The following PLEKHD1 variants were observed in gnomAD, a reference collection of about 807,000 sequenced individuals.
The protein encoded by PLEKHD1 is pleckstrin homology and coiled-coil domain containing D1, also known as pleckstrin homology domain-containing family D member 1.
A neutral mutation model predicts 69.2 loss-of-function variants in PLEKHD1; 51 were observed. The observed-to-expected ratio is 0.74, with a 90% confidence interval of 0.59 to 0.93. The LOEUF (loss-of-function observed/expected upper bound fraction) is 0.93. Among genes scored for constraint, PLEKHD1 ranks in the 40% least tolerant of loss-of-function variants. The pLI is 0.00. For missense variants in PLEKHD1, 584 were observed against 641.0 expected (o/e 0.91, Z 0.96); for synonymous variants, 236 against 244.7 (o/e 0.96, Z 0.33).
Position 69,524,854 on chromosome 14 carries a change from G to A in PLEKHD1, c.744+532G>A, listed in dbSNP as rs546422660. On this transcript the variant is annotated intron_variant, in intron 8 of 12. Coordinates refer to ENST00000322564, the MANE Select transcript of PLEKHD1 (RefSeq NM_001161498.2). ...TGGCCCTGGTCTCCCCTTCCCTCTCGCCTCACTCTTCCCTTCACTGCTCCT... is the reference window on the plus strand; with the variant it reads ...TGGCCCTGGTCTCCCCTTCCCTCTCACCTCACTCTTCCCTTCACTGCTCCT... Among the ~76,000 whole-genome samples, 96 of 152,132 alleles carry A rather than the reference G, an allele frequency of 6.3e-4. No homozygotes were observed. In the South Asian group the frequency reaches 0.019, roughly 30 times the overall value.
the PLEKHD1 span, among the ~76,000 whole-genome samples, chr14:69,472,635 A>G: frequency 2.6e-5 from 4 of 152,232 alleles, no homozygotes; most frequent in African/African-American, 9.7e-5. Flanking sequence ...AGACACACAA[A>G]TACTTACCAT....
chr14:69,486,588 C>T (rs1208694814), intron 1 of PLEKHD1, among the ~76,000 whole-genome samples: 2 of 152,192 alleles, frequency 1.3e-5, no homozygotes, highest in Non-Finnish European at 2.9e-5. Flanking sequence ...CCCCCACCAC[C>T]CATCTTTCTT....
At chr14:69,472,099 C>T in the PLEKHD1 span, among the ~76,000 whole-genome samples, 4 of 152,058 alleles carry the variant, frequency 2.6e-5, no homozygotes, top group Non-Finnish European at 1.5e-5. Context: ...CACCACACAC[C>T]GTCACAACAA....
rs755238874 is a variant in PLEKHD1, at chr14:69,485,159, C to T, written c.149+45C>T. On this transcript the variant is annotated intron_variant, in intron 1 of 12. Transcript: ENST00000322564. ...CCAAGGAGACCGCCGGGGAGAGAGC[C>T]TGGGCGTCGTTACCCCTCCCACCCC... 3.9e-6 allele frequency: 6 copies of T among 1,531,926 alleles called. No homozygotes were observed. The African/African-American group carries it at 6.9e-5, about 18-fold the overall frequency. The allele number at this position is 1,531,926 out of a possible 1,614,324, so 94.9% of individuals were successfully genotyped here. A position where few individuals can be genotyped will look rare whatever the true frequency, so the allele number is the denominator to read the frequency against.
rs1364303420 is a variant in PLEKHD1, at chr14:69,526,030, G to GC, written c.836dup (p.Pro280SerfsTer7). 6.4e-7 allele frequency: 1 copy of GC among 1,551,560 alleles called. No homozygotes were observed. The highest frequency in any genetic ancestry group is 8.7e-7 in the Non-Finnish European group (1 of 1,146,992). ...AGACACTGGCCAATCAGAGTGAGCA[G>GC]CCCCCTCCCAGTGGGGGCCTCCATA... On this transcript the variant is annotated frameshift_variant, in exon 9 of 13. Transcript: ENST00000322564. LOFTEE classifies it high-confidence loss of function.
chr14:69,510,463 G>T (rs1261359535), intron 6 of PLEKHD1, among the ~76,000 whole-genome samples: 1 of 151,930 alleles, frequency 6.6e-6, no homozygotes, highest in Non-Finnish European at 1.5e-5. Context: ...ATGGTAATGT[G>T]TTGTTACATT....
Position 69,526,830 on chromosome 14 carries a change from G to A in PLEKHD1, c.1056+1G>A. On this transcript the variant is annotated splice_donor_variant, in intron 10 of 12. Transcript: ENST00000322564. LOFTEE classifies it high-confidence loss of function. ...GCAGCAGGCTGAGCGGGAGCTCAAG[G>A]TGCGACCTGGCCTGCTGGTGCCAGG... 6.5e-7 allele frequency: 1 copy of A among 1,539,700 alleles called. No homozygotes were observed. The highest frequency in any genetic ancestry group is 1.2e-5 in the South Asian group (1 of 82,010).
At chr14:69,514,316 C>T (rs1883333978) in intron 6 of PLEKHD1, among the ~76,000 whole-genome samples, 1 of 151,792 alleles carries the variant, frequency 6.6e-6, no homozygotes, top group East Asian at 1.9e-4. Context: ...TTGTCATAGC[C>T]TCAAGCTGAG....
At position 69,491,070 on chromosome 14, in the gene PLEKHD1, A is replaced by C. The variant is rs117391090; in HGVS notation, c.149+5956A>C. The stretch of plus-strand genomic sequence containing the variant: ...AAGACCAAATCCCATATCTAAAGGA[A>C]GTCTAAAATCTGTACCAAGGTTTCT... On this transcript the variant is annotated intron_variant, in intron 1 of 12. Coordinates refer to ENST00000322564, the MANE Select transcript of PLEKHD1 (RefSeq NM_001161498.2). 5.1e-4 allele frequency among the ~76,000 whole-genome samples: 77 copies of C among 152,336 alleles called. 1 individual carries two copies. In the East Asian group the frequency reaches 9.3e-3, roughly 18 times the overall value.
chr14:69,524,220 T>TGGGAG lies in PLEKHD1; in HGVS notation c.651-9_651-8insGGGAG. On this transcript the variant is annotated splice_polypyrimidine_tract_variant and intron_variant, in intron 7 of 12. Transcript: ENST00000322564. ...GGGCACTGCCATACCCAGCCCTCTG[T>TGGGAG]CTCCACAGGGAGCTGGAACTGACTG... 1.3e-6 allele frequency: 2 copies of TGGGAG among 1,549,132 alleles called. No homozygotes were observed. Among genetic ancestry groups the TGGGAG allele is most frequent in the South Asian group, 2.4e-5 (2 of 83,988 alleles).
chr14:69,519,393 T>G (rs1365006208), intron 6 of PLEKHD1, among the ~76,000 whole-genome samples: 3 of 152,088 alleles, frequency 2.0e-5, no homozygotes, highest in African/African-American at 7.2e-5. Flanking sequence ...TAATTGCCTT[T>G]AAAGTTGCTT....
intron 6 of PLEKHD1, among the ~76,000 whole-genome samples, chr14:69,506,397 G>A (rs1251511437): frequency 6.6e-6 from 1 of 152,140 alleles, no homozygotes; most frequent in Admixed American, 6.5e-5. Flanking sequence ...AGCCATGCTG[G>A]GCTTCAGGAA....
chr14:69,526,126 A>C lies in PLEKHD1; in HGVS notation c.923+4A>C, dbSNP rs189925507. ...AGAAGCTCCTGGCAGAGAAGCGGTG[A>C]GGGAGCCCCGACCCCTGAAGACACC... On this transcript the variant is annotated splice_donor_region_variant and intron_variant, in intron 9 of 12. Coordinates refer to ENST00000322564, the MANE Select transcript of PLEKHD1 (RefSeq NM_001161498.2). 20 of 1,548,182 alleles carry C rather than the reference A, an allele frequency of 1.3e-5. No homozygotes were observed. The Admixed American group carries it at 3.8e-4, about 29-fold the overall frequency.
chr14:69,512,142 G>T (rs562904241), intron 6 of PLEKHD1, among the ~76,000 whole-genome samples: 15 of 152,276 alleles, frequency 9.9e-5, no homozygotes, highest in African/African-American at 3.4e-4. Context: ...CTTTCAAGGA[G>T]TTGGTCCATT....
At chr14:69,503,072 T>G in intron 6 of PLEKHD1, 193 bp downstream of exon 6, 1 of 621,598 alleles carries the variant, frequency 1.6e-6, no homozygotes, top group African/African-American at 1.8e-5. Flanking sequence ...AGTGTCTTTC[T>G]CCTTACCAAC....
At chr14:69,493,730 C>G (rs186264998) in intron 1 of PLEKHD1, among the ~76,000 whole-genome samples, 1 of 152,238 alleles carries the variant, frequency 6.6e-6, no homozygotes, top group Non-Finnish European at 1.5e-5. Flanking sequence ...TGTCCTGGCA[C>G]CCTGCGAATG....
upstream of PLEKHD1, among the ~76,000 whole-genome samples, chr14:69,484,263 G>C (rs959130501): frequency 4.6e-5 from 7 of 152,366 alleles, no homozygotes; most frequent in Admixed American, 2.6e-4. Context: ...GGGGAGAAAA[G>C]CCAGACCGCC....
At chr14:69,503,000 G>A in intron 6 of PLEKHD1, 121 bp downstream of exon 6, 1 of 1,186,140 alleles carries the variant, frequency 8.4e-7, no homozygotes, top group South Asian at 1.4e-5. Context: ...GATGGGGCAG[G>A]GCGGGGAGGC....
chr14:69,482,696 G>C (rs1161836991), upstream of PLEKHD1, among the ~76,000 whole-genome samples: 2 of 152,112 alleles, frequency 1.3e-5, no homozygotes, highest in Non-Finnish European at 2.9e-5. Context: ...CCTCACATTT[G>C]TTACCTGCAA....
Sources: gnomAD v4.1 joint callset for allele counts (sites outside exome capture counted in the v4.1 genomes callset) on GRCh38, gnomAD v4.1.1 for gene constraint, MANE v1.5 for transcripts, NCBI Gene and HGNC (gene_info 2026-07-23, HGNC 2026-07-21) for gene names.